The following NUP98 variants were observed in gnomAD, a reference collection of about 807,000 sequenced individuals.
NUP98 encodes nuclear pore complex protein Nup98-Nup96.
NUP98 carries 26 observed loss-of-function variants against 191.9 expected under a neutral mutation model. The ratio of observed to expected loss-of-function variants is 0.14; its 90% CI spans 0.10 to 0.19. The LOEUF is 0.19. Among genes scored for constraint, NUP98 ranks in the 10% least tolerant of loss-of-function variants. The pLI is 1.00. For missense variants in NUP98, 1,941 were observed against 2,178.8 expected (o/e 0.89, Z 2.17); for synonymous variants, 808 against 778.4 (o/e 1.04, Z -0.63).
intron 8 of NUP98, among the ~76,000 whole-genome samples, chr11:3,766,858 T>A (rs1024068473): frequency 2.6e-5 from 4 of 152,340 alleles, no homozygotes; most frequent in African/African-American, 9.6e-5. Flanking sequence ...TGTGGTTTTC[T>A]GTTGTTTAAA....
Position 3,723,572 on chromosome 11 carries a change from T to C in NUP98, c.1848-117A>G, listed in dbSNP as rs1396308423. On this transcript the variant is annotated intron_variant, in intron 15 of 32. Transcript: ENST00000324932. ...GCACTGTTCTGGATAGTTCCATGTA[T>C]TAAAAATTCACTTAATACTTACTAC... 10 of 786,600 alleles carry C rather than the reference T, an allele frequency of 1.3e-5. No homozygotes were observed. The East Asian group carries it at 2.6e-4, about 21-fold the overall frequency. 48.7% of individuals were successfully genotyped at this position (786,600 alleles called of 1,614,324 possible).
At chr11:3,687,483 T>G (rs140677212) in intron 28 of NUP98, among the ~76,000 whole-genome samples, 43 of 152,350 alleles carry the variant, frequency 2.8e-4, no homozygotes, top group African/African-American at 1.0e-3. Flanking sequence ...GCAAAAATTT[T>G]CTGCTTTGTT....
chr11:3,713,844 G>A lies in NUP98; in HGVS notation c.2551C>T (p.Pro851Ser). The A allele has an allele frequency of 1.9e-6, 3 of 1,614,020 alleles. No homozygotes were observed. Among genetic ancestry groups the A allele is most frequent in the Non-Finnish European group, 2.5e-6 (3 of 1,179,976 alleles). ...TTAAACACCCAAGAACCAGTTTCAG[G>A]CCGGTATTCTTTGAATTGAGCTCCC... ...KQGAQFKEYR[P>S]ETGSWVFKVS... The change falls in exon 19 of 33, where the codon CCT (proline) becomes TCT (serine). Residue 851 changes from proline (P) to serine (S), a missense_variant. Physicochemically the swap from Pro to Ser is moderately conservative, Grantham distance 74 (BLOSUM62 -1). This residue lies in a region of NUP98 where 95 missense variants were observed against 139.7 expected (regional missense o/e 0.68). Transcript: ENST00000324932.
intron 1 of NUP98, among the ~76,000 whole-genome samples, chr11:3,792,178 C>CAAAA (rs61471948): frequency 6.1e-4 from 36 of 58,856 alleles, no homozygotes; most frequent in Admixed American, 8.8e-4. Flanking sequence ...AACTCCATCT[C>CAAAA]AAAAAAAAAA....
intron 1 of NUP98, among the ~76,000 whole-genome samples, chr11:3,787,138 G>A (rs535899992): frequency 2.0e-5 from 3 of 152,174 alleles, no homozygotes; most frequent in East Asian, 1.9e-4. Context: ...GCTGGGAAAC[G>A]AGGCTGGGTG....
intron 5 of NUP98, among the ~76,000 whole-genome samples, chr11:3,774,985 T>A (rs2081661197): frequency 6.6e-6 from 1 of 152,206 alleles, no homozygotes; most frequent in Non-Finnish European, 1.5e-5. Flanking sequence ...AAGATTTCCA[T>A]TAGGCTAACT....
chr11:3,797,120 G>T (rs2082675817), intron 1 of NUP98, among the ~76,000 whole-genome samples: 1 of 152,240 alleles, frequency 6.6e-6, no homozygotes, highest in Non-Finnish European at 1.5e-5. Flanking sequence ...CTGAATGAAT[G>T]AGTACAACCA....
chr11:3,703,790 A>C (rs1358667421), intron 22 of NUP98, among the ~76,000 whole-genome samples: 1 of 152,206 alleles, frequency 6.6e-6, no homozygotes, highest in Non-Finnish European at 1.5e-5. Context: ...TTACAATTGT[A>C]CATGTGACCT....
intron 12 of NUP98, among the ~76,000 whole-genome samples, chr11:3,739,961 T>C (rs1487145681): frequency 6.6e-6 from 1 of 152,214 alleles, no homozygotes; most frequent in Admixed American, 6.6e-5. Flanking sequence ...GCTTACTTTA[T>C]AGTAAGAATA....
rs575776950 is a variant in NUP98 at position 3,773,165 on chromosome 11, G to A, written c.603+467C>T. Among the ~76,000 whole-genome samples the A allele has an allele frequency of 1.2e-4, 18 of 152,292 alleles. No homozygotes were observed. The South Asian group carries it at 3.1e-3, about 26-fold the overall frequency. ...GCCTGTTATCCCAGCACATTGGGAG[G>A]CTGAGGAAGAAAAATCGCTTGAGCT... On this transcript the variant is annotated intron_variant, in intron 6 of 32. Transcript: ENST00000324932.
intron 19 of NUP98, 116 bp downstream of exon 19, chr11:3,713,702 G>A (rs1244300140): frequency 4.0e-6 from 4 of 1,004,764 alleles, no homozygotes; most frequent in African/African-American, 3.3e-5. Context: ...CTGAGCAACA[G>A]AGCAAGAACC....
intron 5 of NUP98, 90 bp downstream of exon 5, chr11:3,775,792 C>A: frequency 7.7e-7 from 1 of 1,302,008 alleles, no homozygotes; most frequent in South Asian, 1.3e-5. Flanking sequence ...TCAAGCTAAG[C>A]TGGAAAGAGA....
intron 4 of NUP98, among the ~76,000 whole-genome samples, chr11:3,777,875 A>G (rs574957297): frequency 1.1e-3 from 172 of 152,100 alleles, no homozygotes; most frequent in African/African-American, 4.0e-3. Context: ...AAATATTTCA[A>G]TGTTATACAA....
chr11:3,703,410 G>C (rs1589991504), intron 22 of NUP98, among the ~76,000 whole-genome samples: 1 of 152,100 alleles, frequency 6.6e-6, no homozygotes, highest in South Asian at 2.1e-4. Flanking sequence ...TAGAGACAGA[G>C]TTTCACCATG....
At chr11:3,797,311 A>C (rs1199297152) in intron 1 of NUP98, 89 bp downstream of exon 1, 6 of 398,216 alleles carry the variant, frequency 1.5e-5, no homozygotes, top group Non-Finnish European at 2.7e-5. Context: ...CGAAGCGGAG[A>C]GGCCCTGAGA....
chr11:3,688,027 A>G (rs2134038095), intron 28 of NUP98, among the ~76,000 whole-genome samples: 1 of 152,354 alleles, frequency 6.6e-6, no homozygotes, highest in East Asian at 1.9e-4. Flanking sequence ...TGGGAAGATG[A>G]AAAAGTTCTG....
chr11:3,683,426 A>G lies in NUP98; in HGVS notation c.4692T>C (p.Ala1564=). 1 of 1,614,176 alleles carries G rather than the reference A, an allele frequency of 6.2e-7. No homozygotes were observed. Among genetic ancestry groups the G allele is most frequent in the East Asian group, 2.2e-5 (1 of 44,882 alleles). Residue 1564 remains alanine (A), a synonymous_variant, in exon 30 of 33, where the codon GCT becomes GCC. Coordinates refer to ENST00000324932, the MANE Select transcript of NUP98 (RefSeq NM_016320.5). ...AGTGCCGGGTAAGCAGCTCTCGAAC[A>G]GCCTTCTCACGTATGCTACAGGGAG... ...HIDNSGIREK[A]VRELLTRHCQ...
At chr11:3,750,600 A>ATACT (rs1171635536) in intron 11 of NUP98, among the ~76,000 whole-genome samples, 1 of 152,048 alleles carries the variant, frequency 6.6e-6, no homozygotes, top group African/African-American at 2.4e-5. Flanking sequence ...TCATAAAAGG[A>ATACT]TACTAACCTT....
At chr11:3,698,897 T>C (rs533806398) in intron 25 of NUP98, 185 bp downstream of exon 25, 8 of 666,722 alleles carry the variant, frequency 1.2e-5, no homozygotes, top group South Asian at 1.9e-5. Context: ...ATTGTTTACT[T>C]GATTAAAAGT....
Sources: gnomAD v4.1 joint callset for allele counts (sites outside exome capture counted in the v4.1 genomes callset) on GRCh38, gnomAD v4.1.1 for gene constraint, gnomAD v4.1.1 regional missense constraint, MANE v1.5 for transcripts, NCBI Gene and HGNC (gene_info 2026-07-23, HGNC 2026-07-21) for gene names.